Variants in AOAH observed in about 807,000 individuals in gnomAD.
AOAH encodes acyloxyacyl hydrolase (neutrophil).
A neutral mutation model predicts 92.2 loss-of-function variants in AOAH; 64 were observed. That is an observed-to-expected ratio of 0.69 (90% CI 0.57 to 0.86). The LOEUF (loss-of-function observed/expected upper bound fraction) is 0.86. Ranked by LOEUF, AOAH falls within the 40% of genes least tolerant of loss-of-function variation. AOAH has a pLI of 0.00. For missense variants in AOAH, 656 were observed against 694.6 expected (o/e 0.94, Z 0.62); for synonymous variants, 263 against 254.5 (o/e 1.03, Z -0.32).
intron 11 of AOAH, among the ~76,000 whole-genome samples, chr7:36,606,906 C>T (rs1791048311): frequency 6.6e-6 from 1 of 152,186 alleles, no homozygotes; most frequent in Non-Finnish European, 1.5e-5. Flanking sequence ...CGGAGAGAAG[C>T]TCAGGTTGTT....
chr7:36,721,734 C>T (rs559751074), intron 1 of AOAH, among the ~76,000 whole-genome samples: 2 of 152,302 alleles, frequency 1.3e-5, no homozygotes, highest in South Asian at 4.1e-4. Flanking sequence ...AAGTGAACCT[C>T]TGTGAATGAT....
chr7:36,652,358 A>G (rs1562660567), intron 4 of AOAH, among the ~76,000 whole-genome samples: 1 of 152,252 alleles, frequency 6.6e-6, no homozygotes, highest in African/African-American at 2.4e-5. Flanking sequence ...CTGTGCTAAT[A>G]TAAATAAATG....
intron 12 of AOAH, among the ~76,000 whole-genome samples, chr7:36,583,694 A>G (rs2052628445): frequency 6.6e-6 from 1 of 152,184 alleles, no homozygotes; most frequent in African/African-American, 2.4e-5. Flanking sequence ...AGGGAAAAAG[A>G]CTTCATAGGC....
At chr7:36,706,605 G>T (rs534479864) in intron 1 of AOAH, among the ~76,000 whole-genome samples, 168 of 152,228 alleles carry the variant, frequency 1.1e-3, no homozygotes, top group African/African-American at 3.6e-3. Flanking sequence ...CTCCTCTCTA[G>T]CTATGAAAGT....
chr7:36,515,423 C>A (rs1367661268), intron 20 of AOAH, among the ~76,000 whole-genome samples: 17 of 120,840 alleles, frequency 1.4e-4, no homozygotes, highest in African/African-American at 2.2e-4. Flanking sequence ...TCACACACAC[C>A]CCCCACACAC....
chr7:36,615,682 T>A (rs753919843), intron 11 of AOAH, among the ~76,000 whole-genome samples: 1 of 152,198 alleles, frequency 6.6e-6, no homozygotes, highest in Non-Finnish European at 1.5e-5. Flanking sequence ...GCAGCAGGTG[T>A]GTGCTCAGGT....
chr7:36,615,989 A>T (rs1322967903), intron 11 of AOAH, among the ~76,000 whole-genome samples: 2 of 152,022 alleles, frequency 1.3e-5, no homozygotes, highest in Admixed American at 1.3e-4. Flanking sequence ...AGCAGAGGCC[A>T]TCAGGAGCCG....
intron 4 of AOAH, among the ~76,000 whole-genome samples, chr7:36,657,869 G>C (rs796899761): frequency 2.2e-4 from 33 of 152,258 alleles, no homozygotes; most frequent in African/African-American, 7.9e-4. Flanking sequence ...ATTTAAAGTT[G>C]AACTTTTTGC....
intron 13 of AOAH, among the ~76,000 whole-genome samples, chr7:36,562,043 G>T (rs1249962744): frequency 6.6e-6 from 1 of 152,168 alleles, no homozygotes; most frequent in Non-Finnish European, 1.5e-5. Context: ...TCCATACTAT[G>T]AGCCTAGAAT....
chr7:36,675,419 A>T (rs1034415835), intron 2 of AOAH, among the ~76,000 whole-genome samples: 5 of 152,224 alleles, frequency 3.3e-5, no homozygotes, highest in Non-Finnish European at 7.4e-5. Flanking sequence ...ATTCTTAGAA[A>T]GACACATAAT....
chr7:36,645,969 TA>T, intron 4 of AOAH, among the ~76,000 whole-genome samples: 1 of 152,232 alleles, frequency 6.6e-6, no homozygotes, highest in Non-Finnish European at 1.5e-5. Context: ...ACACTCTTGC[TA>T]TCGCTTCCTA....
At chr7:36,621,874 CCA>C (rs1792307737) in intron 7 of AOAH, 94 bp from the exon 8 acceptor site, 2 of 1,055,142 alleles carry the variant, frequency 1.9e-6, no homozygotes, top group Admixed American at 1.7e-5. Context: ...GCATTGACAT[CCA>C]CAGTTTTTAA....
intron 5 of AOAH, among the ~76,000 whole-genome samples, 167 bp from the exon 6 acceptor site, chr7:36,632,273 T>G (rs1453972508): frequency 6.6e-6 from 1 of 152,090 alleles, no homozygotes; most frequent in African/African-American, 2.4e-5. Context: ...ACCATCCATA[T>G]CCATGCCACT....
chr7:36,713,962 GAACT>G (rs1225982638), intron 1 of AOAH, among the ~76,000 whole-genome samples: 7 of 152,136 alleles, frequency 4.6e-5, no homozygotes, highest in Admixed American at 2.6e-4. Context: ...CAGAAGGCAA[GAACT>G]AACTAAGATC....
chr7:36,541,923 C>T (rs1176050140), intron 15 of AOAH, among the ~76,000 whole-genome samples: 4 of 152,168 alleles, frequency 2.6e-5, no homozygotes, highest in Non-Finnish European at 5.9e-5. Flanking sequence ...CTCTAACTGC[C>T]TGTCTTTACC....
intron 11 of AOAH, chr7:36,598,087 G>A (rs989369916): frequency 1.3e-5 from 2 of 152,106 alleles, no homozygotes; most frequent in African/African-American, 4.8e-5. Context: ...CTTGGGAAGT[G>A]GGATCTCCAT....
chr7:36,713,793 A>T (rs2116987877), intron 1 of AOAH, among the ~76,000 whole-genome samples: 1 of 152,366 alleles, frequency 6.6e-6, no homozygotes, highest in Non-Finnish European at 1.5e-5. Flanking sequence ...ACAAAGACAC[A>T]ACATACCAGA....
chr7:36,571,179 G>C (rs115585726), intron 13 of AOAH, among the ~76,000 whole-genome samples: 109 of 152,262 alleles, frequency 7.2e-4, no homozygotes, highest in East Asian at 5.0e-3. Context: ...TTAATGCCCA[G>C]GTCTCAAAGA....
At chr7:36,545,925 C>T (rs2116272655) in intron 15 of AOAH, among the ~76,000 whole-genome samples, 1 of 152,344 alleles carries the variant, frequency 6.6e-6, no homozygotes, top group African/African-American at 2.4e-5. Flanking sequence ...GCTGTAGCTT[C>T]CCAACATTTG....
Sources: allele counts gnomAD v4.1 joint callset (sites outside exome capture counted in the v4.1 genomes callset), GRCh38; gene constraint gnomAD v4.1.1; transcripts MANE v1.5; gene names NCBI Gene and HGNC (gene_info 2026-07-23, HGNC 2026-07-21).